Variants in RAP1GAP2 observed in about 807,000 individuals in gnomAD.
RAP1GAP2 encodes the protein RAP1 GTPase activating protein 2, also known as rap1 GTPase-activating protein 2.
A neutral mutation model predicts 95.0 loss-of-function variants in RAP1GAP2; 27 were observed. The observed-to-expected ratio is 0.28, with a 90% CI of 0.21 to 0.39. The LOEUF is 0.39. RAP1GAP2 is among the 10% of genes least tolerant of loss of function. RAP1GAP2 has a pLI of 1.00. For synonymous variants in RAP1GAP2, 373 were observed against 380.9 expected (o/e 0.98, Z 0.24); for missense variants, 771 against 970.0 (o/e 0.79, Z 2.72).
Position 3,004,521 on chromosome 17 carries a change from A to G in RAP1GAP2, c.1201-848A>G, listed in dbSNP as rs1178107278. On this transcript the variant is annotated intron_variant, in intron 14 of 24. Transcript: ENST00000254695. This position sits in a 1 kb window ranked among gnomAD's most constrained non-coding sequence, Gnocchi z 4.1. Reference sequence around the variant, plus strand: ...AGCCTCACAGCCTCGTGGGCTGAGAATAGGTGAAGTCAGGGCACCTCTGTG... The same window carrying G: ...AGCCTCACAGCCTCGTGGGCTGAGAGTAGGTGAAGTCAGGGCACCTCTGTG... Among the ~76,000 whole-genome samples the G allele has an allele frequency of 6.6e-6, 1 of 152,258 alleles. No homozygotes were observed. The highest frequency in any genetic ancestry group is 1.5e-5 in the Non-Finnish European group (1 of 68,036).
chr17:2,958,151 T>C (rs2044189337), intron 4 of RAP1GAP2, among the ~76,000 whole-genome samples: 1 of 152,090 alleles, frequency 6.6e-6, no homozygotes, highest in Non-Finnish European at 1.5e-5. Context: ...AGGAGTCATC[T>C]TGCATAGGGA....
intron 3 of RAP1GAP2, among the ~76,000 whole-genome samples, chr17:2,928,413 T>C (rs1167821185): frequency 6.6e-6 from 1 of 152,020 alleles, no homozygotes; most frequent in Non-Finnish European, 1.5e-5. Context: ...TGTTTCGTCC[T>C]GACAAAGTGG....
At chr17:2,845,785 C>G (rs2071559113) in intron 2 of RAP1GAP2, among the ~76,000 whole-genome samples, 4 of 151,974 alleles carry the variant, frequency 2.6e-5, no homozygotes. Context: ...CGCTTGAACC[C>G]TGTAGGCGAA....
chr17:2,797,567 T>C lies in RAP1GAP2; in HGVS notation c.44+996T>C, dbSNP rs1356591670. The stretch of plus-strand genomic sequence containing the variant: ...CACGAAGGGCGAGGGGGAGAGGGGC[T>C]GTGTTCCTCGGTAATTTTTCGCTTC... On this transcript the variant is annotated intron_variant, in intron 1 of 24. Transcript: ENST00000254695. The surrounding 1 kb of genome is among the most constrained non-coding windows in gnomAD (Gnocchi z 5.6). 2 of 349,868 alleles carry C rather than the reference T, an allele frequency of 5.7e-6. No individual in the cohort carries two copies. Among genetic ancestry groups the C allele is most frequent in the African/African-American group, 4.5e-5 (2 of 44,876 alleles). The allele number at this position is 349,868 out of a possible 1,614,324, so 21.7% of individuals were successfully genotyped here.
At chr17:2,763,307 C>G (rs1000825319) in intron 1 of RAP1GAP2, among the ~76,000 whole-genome samples, 4 of 152,090 alleles carry the variant, frequency 2.6e-5, no homozygotes, top group Non-Finnish European at 5.9e-5. Context: ...GTGGGGATTT[C>G]AGAGATGGAT....
At chr17:2,913,724 C>CACCTTGATCAAGAAACAGG (rs1161216066) in intron 3 of RAP1GAP2, among the ~76,000 whole-genome samples, 1 of 152,188 alleles carries the variant, frequency 6.6e-6, no homozygotes, top group Non-Finnish European at 1.5e-5. Flanking sequence ...ATGATACACC[C>CACCTTGATCAAGAAACAGG]ACGTGAGCCA....
chr17:2,807,737 G>A (rs1432434282), intron 2 of RAP1GAP2, among the ~76,000 whole-genome samples: 1 of 152,160 alleles, frequency 6.6e-6, no homozygotes, highest in Non-Finnish European at 1.5e-5. Flanking sequence ...GGGAGTGCAG[G>A]GGGCTGGGGG....
intron 4 of RAP1GAP2, among the ~76,000 whole-genome samples, chr17:2,959,100 A>G (rs1032711464): frequency 2.0e-5 from 3 of 151,980 alleles, no homozygotes; most frequent in Non-Finnish European, 4.4e-5. Flanking sequence ...AGTCAGTGGG[A>G]TCCTGGCACT....
At chr17:2,892,396 G>A (rs2151699769) in intron 2 of RAP1GAP2, among the ~76,000 whole-genome samples, 1 of 152,238 alleles carries the variant, frequency 6.6e-6, no homozygotes, top group South Asian at 2.1e-4. Context: ...ATTCAGCTAG[G>A]GCGTGTTGGA....
At position 2,880,112 on chromosome 17, in the gene RAP1GAP2, C is replaced by T. The variant is rs1000156464; in HGVS notation, c.81-25172C>T. 8.5e-5 allele frequency among the ~76,000 whole-genome samples: 13 copies of T among 152,116 alleles called. No individual in the cohort carries two copies. In the East Asian group the frequency reaches 1.2e-3, roughly 14 times the overall value. ...CAGGGTGCCGTGGTGGCAGAGAGCA[C>T]GGGGACTGATGGATGACATCGGAAG... On this transcript the variant is annotated intron_variant, in intron 2 of 24. Transcript: ENST00000254695.
At chr17:2,843,999 C>G (rs941355662) in intron 2 of RAP1GAP2, among the ~76,000 whole-genome samples, 1 of 151,804 alleles carries the variant, frequency 6.6e-6, no homozygotes, top group African/African-American at 2.4e-5. Context: ...AGATGGCCGG[C>G]GCGCTTTTTT....
At chr17:2,924,028 T>G (rs1357706590) in intron 3 of RAP1GAP2, among the ~76,000 whole-genome samples, 1 of 152,252 alleles carries the variant, frequency 6.6e-6, no homozygotes, top group Admixed American at 6.5e-5. Context: ...CTGTAAGAGA[T>G]ATTAATTTCT....
At chr17:2,763,141 A>G (rs1263069427) in intron 1 of RAP1GAP2, among the ~76,000 whole-genome samples, 1 of 152,218 alleles carries the variant, frequency 6.6e-6, no homozygotes, top group Non-Finnish European at 1.5e-5. Flanking sequence ...ATGCAATCCA[A>G]TTCAGCAAAC....
chr17:3,007,190 G>A (rs894664), intron 16 of RAP1GAP2, among the ~76,000 whole-genome samples: 22,521 of 152,096 alleles, frequency 0.15, 1,947 homozygotes, highest in Middle Eastern at 0.27. Flanking sequence ...AGACTCAGCC[G>A]GAGATGTTGG....
chr17:2,980,206 A>G (rs4790400), intron 8 of RAP1GAP2, 81 bp from the exon 9 acceptor site: 550,648 of 1,380,244 alleles, frequency 0.4, 112,777 homozygotes, highest in African/African-American at 0.6. Flanking sequence ...GCCTCCCAAA[A>G]TGCTGAGATG....
intron 1 of RAP1GAP2, among the ~76,000 whole-genome samples, chr17:2,766,345 A>G (rs536491536): frequency 6.6e-6 from 1 of 152,268 alleles, no homozygotes; most frequent in Non-Finnish European, 1.5e-5. Context: ...AGGTCTTGAA[A>G]GTGGAGCCCA....
intron 2 of RAP1GAP2, among the ~76,000 whole-genome samples, chr17:2,771,479 CTTTTTTGTTTTTT>C (rs1555540009): frequency 4.1e-4 from 54 of 131,870 alleles, no homozygotes; most frequent in Middle Eastern, 3.9e-3. Context: ...ATCAAAGCCA[CTTTTTTGTTTTTT>C]TTTTTTGTTT....
chr17:2,853,447 G>T (rs1264089219), intron 2 of RAP1GAP2, among the ~76,000 whole-genome samples: 1 of 151,574 alleles, frequency 6.6e-6, no homozygotes, highest in Non-Finnish European at 1.5e-5. Flanking sequence ...GGCGGCAGCC[G>T]CCTCTGCCTG....
intron 11 of RAP1GAP2, among the ~76,000 whole-genome samples, chr17:2,990,163 C>T (rs963681727): frequency 1.3e-5 from 2 of 152,212 alleles, no homozygotes; most frequent in African/African-American, 4.8e-5. Flanking sequence ...GGTTCTTTCT[C>T]CTTTTGGGCC....
Sources: allele counts gnomAD v4.1 joint callset (sites outside exome capture counted in the v4.1 genomes callset), GRCh38; gene constraint gnomAD v4.1.1; non-coding constraint Gnocchi (gnomAD v3.1); transcripts MANE v1.5; gene names NCBI Gene and HGNC (gene_info 2026-07-23, HGNC 2026-07-21).